Variants in PCDHGB7 observed in about 807,000 individuals in gnomAD.
PCDHGB7 encodes the protein protocadherin gamma subfamily B, 7, also known as protocadherin gamma-B7.
A neutral mutation model predicts 61.4 loss-of-function variants in PCDHGB7; 37 were observed. The observed-to-expected ratio is 0.60, with a 90% confidence interval of 0.46 to 0.79. The LOEUF (loss-of-function observed/expected upper bound fraction) is 0.79, where lower values mean the gene tolerates loss of function less well. Ranked by LOEUF, PCDHGB7 falls within the 30% of genes least tolerant of loss-of-function variation. The pLI, the probability that PCDHGB7 is intolerant of heterozygous loss-of-function variation, is 0.00. For synonymous variants in PCDHGB7, 464 were observed against 503.5 expected (o/e 0.92, Z 1.05); for missense variants, 1,166 against 1,202.5 (o/e 0.97, Z 0.45).
chr5:141,485,922 G>C lies in PCDHGB7; in HGVS notation c.2416-8885G>C. 6.2e-7 allele frequency: 1 copy of C among 1,614,170 alleles called. No individual in the cohort carries two copies. The highest frequency in any genetic ancestry group is 8.5e-7 in the Non-Finnish European group (1 of 1,180,036). On this transcript the variant is annotated intron_variant, in intron 1 of 3. Transcript: ENST00000398594. This position sits in a 1 kb window ranked among gnomAD's most constrained non-coding sequence, Gnocchi z 5.7. The stretch of plus-strand genomic sequence containing the variant: ...TTCCAGCAATCCAGCTACAGGATTA[G>C]TGTGTTGGAGAGCGCACCAGCGGGC...
chr5:141,422,431 T>G, intron 1 of PCDHGB7: 1 of 1,608,846 alleles, frequency 6.2e-7, no homozygotes, highest in Non-Finnish European at 8.5e-7. Flanking sequence ...TTATGGAAAT[T>G]ATTACAAATT....
Position 141,476,591 on chromosome 5 carries a change from G to T in PCDHGB7, c.2416-18216G>T, listed in dbSNP as rs200254399. The T allele has an allele frequency of 6.2e-7, 1 of 1,614,230 alleles. No homozygotes were observed. The highest frequency in any genetic ancestry group is 8.5e-7 in the Non-Finnish European group (1 of 1,180,046). On this transcript the variant is annotated intron_variant, in intron 1 of 3. Transcript: ENST00000398594. The surrounding 1 kb of genome is among the most constrained non-coding windows in gnomAD (Gnocchi z 7.6). The stretch of plus-strand genomic sequence containing the variant: ...GGGGACGCGCTTTCCGCTCGAGAGC[G>T]CGCACGATCCCGATGTGGGAAGCAA...
At chr5:141,435,803 T>C (rs551682061) in intron 1 of PCDHGB7, among the ~76,000 whole-genome samples, 1 of 152,178 alleles carries the variant, frequency 6.6e-6, no homozygotes, top group South Asian at 2.1e-4. Context: ...ACGTCCCAAT[T>C]ATTTTTTCTT....
intron 1 of PCDHGB7, chr5:141,428,054 G>A (rs763394113): frequency 6.2e-7 from 1 of 1,609,038 alleles, no homozygotes; most frequent in Admixed American, 1.7e-5. Context: ...CCAAGGTGGT[G>A]GCGGTGGACG....
intron 2 of PCDHGB7, among the ~76,000 whole-genome samples, chr5:141,495,270 G>C (rs1428903664): frequency 1.3e-5 from 2 of 152,178 alleles, no homozygotes; most frequent in Non-Finnish European, 2.9e-5. Context: ...GCATTTGACC[G>C]GAGGAGGCGG....
chr5:141,465,697 T>C (rs1386528821), intron 1 of PCDHGB7, among the ~76,000 whole-genome samples: 2 of 152,200 alleles, frequency 1.3e-5, no homozygotes, highest in African/African-American at 4.8e-5. Context: ...TGCTTTTGCA[T>C]TGGTCAAATG....
At chr5:141,448,316 T>G (rs1042171540) in intron 1 of PCDHGB7, among the ~76,000 whole-genome samples, 2 of 152,174 alleles carry the variant, frequency 1.3e-5, no homozygotes, top group Admixed American at 1.3e-4. Context: ...AGGAATCTTT[T>G]CTTTGAATCT....
intron 1 of PCDHGB7, among the ~76,000 whole-genome samples, chr5:141,434,490 G>A (rs566645029): frequency 2.5e-4 from 38 of 152,274 alleles, no homozygotes; most frequent in Non-Finnish European, 4.9e-4. Flanking sequence ...CACCTGGCCC[G>A]CCCAGGGCAG....
In PCDHGB7 at chr5:141,510,992, T is replaced by C. The variant is rs879030278; in HGVS notation, c.2609T>C (p.Met870Thr). The change falls in exon 4 of 4, where the codon ATG (methionine) becomes ACG (threonine). Residue 870 changes from methionine to threonine, a missense_variant. By Grantham distance (81) the Met-to-Thr change is moderately conservative. Coordinates refer to ENST00000398594, the MANE Select transcript of PCDHGB7 (RefSeq NM_018927.4). ...SSTLGGGAGT[M>T]GLSARYGPQF... is the part of the protein sequence containing the mutation. ...ACCCTGGGAGGGGGTGCCGGCACCA[T>C]GGGATTGAGCGCCCGCTACGGACCC... The C allele has an allele frequency of 1.9e-6, 3 of 1,614,164 alleles. No individual in the cohort carries two copies. The highest frequency in any genetic ancestry group is 2.5e-6 in the Non-Finnish European group (3 of 1,180,006).
intron 2 of PCDHGB7, among the ~76,000 whole-genome samples, chr5:141,496,827 C>A (rs1595415247): frequency 6.6e-6 from 1 of 151,780 alleles, no homozygotes; most frequent in East Asian, 1.9e-4. Context: ...TAGATGTGAT[C>A]CCAGAACTCA....
chr5:141,427,983 C>G, intron 1 of PCDHGB7: 2 of 1,596,840 alleles, frequency 1.3e-6, no homozygotes, highest in South Asian at 2.2e-5. Context: ...CGCGCTGGGG[C>G]CCGATGGCTC....
chr5:141,459,557 A>G (rs1052669136), intron 1 of PCDHGB7, among the ~76,000 whole-genome samples: 1 of 152,224 alleles, frequency 6.6e-6, no homozygotes, highest in East Asian at 1.9e-4. Context: ...TCTTGGATAA[A>G]TACCCCAAAA....
chr5:141,447,235 G>T (rs1458489257), intron 1 of PCDHGB7, among the ~76,000 whole-genome samples: 1 of 152,084 alleles, frequency 6.6e-6, no homozygotes, highest in Non-Finnish European at 1.5e-5. Flanking sequence ...CGCCTCCCGG[G>T]TTCAAGTGAT....
At position 141,432,552 on chromosome 5, in the gene PCDHGB7, C is replaced by G. The variant is rs1181931321; in HGVS notation, c.2415+12278C>G. ...AAGGTGGTGGCGGTGGACAGAGACT[C>G]CGGCCAGAACGCCTGGCTGTCCTAC... On this transcript the variant is annotated intron_variant, in intron 1 of 3. Coordinates refer to ENST00000398594, the MANE Select transcript of PCDHGB7 (RefSeq NM_018927.4). The surrounding 1 kb of genome is among the most constrained non-coding windows in gnomAD (Gnocchi z 6.0). The G allele has an allele frequency of 6.2e-7, 1 of 1,613,970 alleles. No homozygotes were observed. The highest frequency in any genetic ancestry group is 1.1e-5 in the South Asian group (1 of 91,064).
intron 2 of PCDHGB7, among the ~76,000 whole-genome samples, chr5:141,498,068 A>G (rs765582921): frequency 6.6e-6 from 1 of 152,244 alleles, no homozygotes; most frequent in Non-Finnish European, 1.5e-5. Context: ...TGAAACTGTC[A>G]TAAGTGCTAG....
chr5:141,464,853 C>A (rs1441161135), intron 1 of PCDHGB7, among the ~76,000 whole-genome samples: 1 of 151,778 alleles, frequency 6.6e-6, no homozygotes, highest in East Asian at 1.9e-4. Flanking sequence ...ATCCTCCTAC[C>A]TTAGCCTCCC....
intron 1 of PCDHGB7, chr5:141,428,113 T>A: frequency 6.2e-7 from 1 of 1,607,492 alleles, no homozygotes; most frequent in Non-Finnish European, 8.5e-7. Flanking sequence ...CTGCAGGCCA[T>A]CGAGCCCGGG....
Position 141,475,971 on chromosome 5 carries a change from C to G in PCDHGB7, c.2416-18836C>G, listed in dbSNP as rs750016455. On this transcript the variant is annotated intron_variant, in intron 1 of 3. Coordinates refer to ENST00000398594, the MANE Select transcript of PCDHGB7 (RefSeq NM_018927.4). The stretch of plus-strand genomic sequence containing the variant: ...TCTGCGCCCCGGGATGAGGCAGAGA[C>G]TGAACAGCCGGCGAGCAAATCAACG... 2.5e-5 allele frequency: 24 copies of G among 954,292 alleles called. No individual in the cohort carries two copies. In the African/African-American group the frequency reaches 3.4e-4, roughly 14 times the overall value. 59.1% of individuals were successfully genotyped at this position (954,292 alleles called of 1,614,324 possible). A position where few individuals can be genotyped will look rare whatever the true frequency, so the allele number is the denominator to read the frequency against.
chr5:141,421,239 G>C, intron 1 of PCDHGB7: 1 of 1,599,000 alleles, frequency 6.3e-7, no homozygotes, highest in South Asian at 1.1e-5. Flanking sequence ...TGGCGAATCG[G>C]CTACAGCGCG....
Sources: allele counts gnomAD v4.1 joint callset (sites outside exome capture counted in the v4.1 genomes callset), GRCh38; gene constraint gnomAD v4.1.1; non-coding constraint Gnocchi (gnomAD v3.1); transcripts MANE v1.5; gene names NCBI Gene and HGNC (gene_info 2026-07-23, HGNC 2026-07-21).